SLC9C2: variants seen among roughly 807,000 people sequenced by gnomAD.
The protein encoded by SLC9C2 is sodium/hydrogen exchanger 11.
Under a neutral mutation model 140.2 loss-of-function variants are expected in SLC9C2, and 75 were observed. The observed-to-expected ratio is 0.53, with a 90% CI of 0.44 to 0.65. The LOEUF is 0.65. Among genes scored for constraint, SLC9C2 ranks in the 30% least tolerant of loss-of-function variants. The pLI, the probability that SLC9C2 is intolerant of heterozygous loss-of-function variation, is 0.00. For missense variants in SLC9C2, 1,074 were observed against 1,331.8 expected (o/e 0.81, Z 3.01); for synonymous variants, 375 against 420.9 (o/e 0.89, Z 1.34).
chr1:173,599,024 T>C (rs1280291943), intron 3 of SLC9C2, among the ~76,000 whole-genome samples: 1 of 152,252 alleles, frequency 6.6e-6, no homozygotes, highest in Non-Finnish European at 1.5e-5. Flanking sequence ...GTATATATTA[T>C]ATGAAGCTAT....
At chr1:173,602,709 C>T (rs1289736066) in intron 1 of SLC9C2, 42 bp downstream of exon 1, 2 of 152,148 alleles carry the variant, frequency 1.3e-5, no homozygotes, top group African/African-American at 4.8e-5. Flanking sequence ...TCTAAAAATC[C>T]TAGAGGTTCC....
intron 17 of SLC9C2, among the ~76,000 whole-genome samples, chr1:173,531,611 C>G (rs1661584717): frequency 6.6e-6 from 1 of 152,198 alleles, no homozygotes; most frequent in Non-Finnish European, 1.5e-5. Flanking sequence ...TGGCTTCTTT[C>G]TTGCAGGCTG....
rs138213092 is a variant in SLC9C2 at position 173,554,761 on chromosome 1, G to A, written c.1269C>T (p.Tyr423=). Residue 423 remains tyrosine (Y), a synonymous_variant, in exon 11 of 28, where the codon TAC becomes TAT. Coordinates refer to ENST00000367714, the MANE Select transcript of SLC9C2 (RefSeq NM_178527.4). ...ISLLTMGINS[Y]VMTQSARKLD... ...ACTTCCTGGCTGACTGAGTCATCACGTATGAATTTATTCCCATTGTCAATA... is the reference window on the plus strand; with the variant it reads ...ACTTCCTGGCTGACTGAGTCATCACATATGAATTTATTCCCATTGTCAATA... 18 of 1,607,552 alleles carry A rather than the reference G, an allele frequency of 1.1e-5. No individual in the cohort carries two copies. In the African/African-American group the frequency reaches 1.3e-4, roughly 12 times the overall value.
In SLC9C2 at chr1:173,560,615, A is replaced by G. The variant is rs551669721; in HGVS notation, c.1047-3107T>C. Among the ~76,000 whole-genome samples the G allele has an allele frequency of 6.1e-4, 93 of 152,198 alleles. No homozygotes were observed. The Middle Eastern group carries it at 0.024, about 39-fold the overall frequency. On this transcript the variant is annotated intron_variant, in intron 9 of 27. Coordinates refer to ENST00000367714, the MANE Select transcript of SLC9C2 (RefSeq NM_178527.4). ...CAACTCTGCCTTCCACACTTGCCCAATAAACCTTCTGCCAACAACTGTCCC... is the reference window on the plus strand; with the variant it reads ...CAACTCTGCCTTCCACACTTGCCCAGTAAACCTTCTGCCAACAACTGTCCC...
intron 23 of SLC9C2, among the ~76,000 whole-genome samples, chr1:173,513,677 T>C (rs1247137378): frequency 1.3e-5 from 2 of 152,242 alleles, no homozygotes; most frequent in Admixed American, 6.5e-5. Context: ...ATATTAGTTA[T>C]TTCTTGTCTT....
intron 5 of SLC9C2, among the ~76,000 whole-genome samples, chr1:173,584,257 C>T (rs968282620): frequency 6.6e-6 from 1 of 152,108 alleles, no homozygotes; most frequent in African/African-American, 2.4e-5. Flanking sequence ...ACAAAAGCCA[C>T]ATATTGTATG....
chr1:173,561,858 CACAG>C (rs71763851), intron 9 of SLC9C2, among the ~76,000 whole-genome samples: 3,517 of 142,352 alleles, frequency 0.025, 157 homozygotes, highest in African/African-American at 0.1. Context: ...CACACACAGA[CACAG>C]ACACACACAC....
intron 9 of SLC9C2, among the ~76,000 whole-genome samples, chr1:173,569,352 G>A (rs945680883): frequency 1.3e-5 from 2 of 151,776 alleles, no homozygotes; most frequent in Non-Finnish European, 2.9e-5. Context: ...ATTGTAAGTG[G>A]CTTCTTTTCT....
At chr1:173,508,954 G>A (rs1224695928) in intron 24 of SLC9C2, among the ~76,000 whole-genome samples, 2 of 151,902 alleles carry the variant, frequency 1.3e-5, no homozygotes, top group African/African-American at 4.8e-5. Context: ...CAGAGCGTTT[G>A]TTAACACATT....
At chr1:173,516,435 G>A (rs1660425988) in intron 23 of SLC9C2, among the ~76,000 whole-genome samples, 1 of 152,134 alleles carries the variant, frequency 6.6e-6, no homozygotes, top group African/African-American at 2.4e-5. Context: ...AGTACCCGTA[G>A]TTATTTTTCC....
At chr1:173,521,035 A>G (rs549286363) in intron 22 of SLC9C2, among the ~76,000 whole-genome samples, 54 of 152,210 alleles carry the variant, frequency 3.5e-4, no homozygotes, top group Non-Finnish European at 6.2e-4. Context: ...CCAAGTATTG[A>G]TTTCCTTCTC....
chr1:173,552,888 C>A (rs747237406), intron 11 of SLC9C2, among the ~76,000 whole-genome samples: 1 of 152,182 alleles, frequency 6.6e-6, no homozygotes, highest in African/African-American at 2.4e-5. Flanking sequence ...AAGGCTATAG[C>A]TGTCATAGAT....
chr1:173,537,642 G>T (rs1013080975), intron 13 of SLC9C2, among the ~76,000 whole-genome samples: 1 of 151,500 alleles, frequency 6.6e-6, no homozygotes, highest in Non-Finnish European at 1.5e-5. Flanking sequence ...ACATATATAC[G>T]CATATTATAT....
In SLC9C2 at chr1:173,554,769, T is replaced by G. The variant is rs745617331; in HGVS notation, c.1261A>C (p.Asn421His). 1 of 1,609,642 alleles carries G rather than the reference T, an allele frequency of 6.2e-7. No individual in the cohort carries two copies. The highest frequency in any genetic ancestry group is 2.2e-5 in the East Asian group (1 of 44,812). The change falls in exon 11 of 28, where the codon AAT becomes CAT. Residue 421 changes from asparagine (N) to histidine (H), a missense_variant. Coordinates refer to ENST00000367714, the MANE Select transcript of SLC9C2 (RefSeq NM_178527.4). ...GCTGACTGAGTCATCACGTATGAAT[T>G]TATTCCCATTGTCAATAATGATATT... ...QVISLLTMGI[N>H]SYVMTQSARK... is the part of the protein sequence containing the mutation.
chr1:173,573,347 T>G, intron 8 of SLC9C2, 22 bp from the exon 9 acceptor site: 8 of 1,319,054 alleles, frequency 6.1e-6, no homozygotes, highest in Non-Finnish European at 8.4e-6. Context: ...GAAATAGAAA[T>G]GACATTTTAA....
intron 20 of SLC9C2, among the ~76,000 whole-genome samples, chr1:173,524,559 G>A (rs1661063285): frequency 6.6e-6 from 1 of 152,154 alleles, no homozygotes; most frequent in Non-Finnish European, 1.5e-5. Context: ...ACTAAACTTA[G>A]TTCAAGTTGG....
At chr1:173,556,075 T>A (rs1483792486) in intron 10 of SLC9C2, among the ~76,000 whole-genome samples, 1 of 152,220 alleles carries the variant, frequency 6.6e-6, no homozygotes, top group East Asian at 1.9e-4. Flanking sequence ...ACCTCCAGAT[T>A]CCTTGGTAGG....
intron 9 of SLC9C2, among the ~76,000 whole-genome samples, chr1:173,560,209 G>A (rs925714604): frequency 1.3e-5 from 2 of 152,180 alleles, no homozygotes; most frequent in Non-Finnish European, 2.9e-5. Context: ...ATAAAGAAGT[G>A]TAATACGAAA....
rs756568024 is a variant in SLC9C2 at position 173,587,677 on chromosome 1, G to A, written c.511C>T (p.Leu171=). The change falls in exon 5 of 28, where the codon CTA becomes TTA. Residue 171 remains leucine (L), a synonymous_variant. Transcript: ENST00000367714. ...IIDPLRSVNS[L]KTIGISKIYI... ...AAATGTGACATACCAATAGTTTTTA[G>A]TGAATTCACAGAACGAAGAGGATCT... 9 of 1,609,550 alleles carry A rather than the reference G, an allele frequency of 5.6e-6. No individual in the cohort carries two copies. The South Asian group carries it at 1.0e-4, about 18-fold the overall frequency.
Sources: gnomAD v4.1 joint callset for allele counts (sites outside exome capture counted in the v4.1 genomes callset) on GRCh38, gnomAD v4.1.1 for gene constraint, MANE v1.5 for transcripts, NCBI Gene and HGNC (gene_info 2026-07-23, HGNC 2026-07-21) for gene names.